Variants in STAB2 observed in about 807,000 individuals in gnomAD.
The protein encoded by STAB2 is stabilin 2, also known as stabilin-2.
Under a neutral mutation model 338.1 loss-of-function variants are expected in STAB2, and 288 were observed. That is an observed-to-expected ratio of 0.85 (90% CI 0.77 to 0.94). The LOEUF (loss-of-function observed/expected upper bound fraction) is 0.94, where lower values mean the gene tolerates loss of function less well. Among genes scored for constraint, STAB2 ranks in the 40% least tolerant of loss-of-function variants. STAB2 has a pLI of 0.00. For synonymous variants in STAB2, 1,202 were observed against 1,193.3 expected, an observed-to-expected ratio of 1.01 and a Z score of -0.15; for missense variants, 3,141 against 3,210.1, an observed-to-expected ratio of 0.98 and a Z score of 0.52.
intron 57 of STAB2, 43 bp downstream of exon 57, chr12:103,745,320 A>G: frequency 1.3e-6 from 2 of 1,567,402 alleles, no homozygotes; most frequent in Non-Finnish European, 1.7e-6. Context: ...CCAGGGCTGC[A>G]GTGGACACTG....
chr12:103,656,488 C>T (rs1385791234), intron 15 of STAB2, among the ~76,000 whole-genome samples: 2 of 152,168 alleles, frequency 1.3e-5, no homozygotes, highest in East Asian at 3.9e-4. Flanking sequence ...TTTAGTGGTG[C>T]TGGGATGAGG....
chr12:103,687,714 C>G (rs962814945), intron 27 of STAB2, among the ~76,000 whole-genome samples: 3 of 152,104 alleles, frequency 2.0e-5, no homozygotes, highest in African/African-American at 7.2e-5. Context: ...GGTAACTGGC[C>G]TAGGGAACTA....
At chr12:103,707,893 A>G (rs930568844) in intron 38 of STAB2, among the ~76,000 whole-genome samples, 1 of 152,210 alleles carries the variant, frequency 6.6e-6, no homozygotes. Context: ...GCATTTGTGC[A>G]TGAGTTCCTA....
At chr12:103,613,182 C>G (rs895735566) in intron 3 of STAB2, among the ~76,000 whole-genome samples, 1 of 152,312 alleles carries the variant, frequency 6.6e-6, no homozygotes, top group African/African-American at 2.4e-5. Context: ...TCTCAAGCTG[C>G]GTGCTGGGAG....
At chr12:103,594,001 G>A (rs1189414674) in intron 2 of STAB2, among the ~76,000 whole-genome samples, 1 of 152,126 alleles carries the variant, frequency 6.6e-6, no homozygotes, top group East Asian at 1.9e-4. Context: ...CTGAGCAATG[G>A]GTTTGCTTTA....
chr12:103,747,657 T>A (rs1374238205), intron 58 of STAB2, among the ~76,000 whole-genome samples: 1 of 152,194 alleles, frequency 6.6e-6, no homozygotes, highest in Non-Finnish European at 1.5e-5. Context: ...TGTCGTCTTT[T>A]ATTGGGCAAC....
intron 43 of STAB2, 49 bp from the exon 44 acceptor site, chr12:103,717,721 T>C: frequency 6.3e-7 from 1 of 1,583,652 alleles, no homozygotes; most frequent in African/African-American, 1.3e-5. Flanking sequence ...ATGCGGCCAG[T>C]ACAGAACCCA....
chr12:103,703,342 G>T, intron 35 of STAB2, 66 bp downstream of exon 35: 1 of 1,570,360 alleles, frequency 6.4e-7, no homozygotes, highest in Non-Finnish European at 8.6e-7. Flanking sequence ...ATATAATTTT[G>T]GGGGCATAAG....
At chr12:103,631,509 A>G in intron 5 of STAB2, 89 bp from the exon 6 acceptor site, 2 of 1,295,482 alleles carry the variant, frequency 1.5e-6, no homozygotes, top group Non-Finnish European at 2.2e-6. Flanking sequence ...GCAGAGTCTC[A>G]GCAAAGATGA....
chr12:103,677,581 C>T lies in STAB2; in HGVS notation c.2775C>T (p.Asn925=), dbSNP rs752289029. 2.5e-5 allele frequency: 40 copies of T among 1,613,828 alleles called. No individual in the cohort carries two copies. Among genetic ancestry groups the T allele is most frequent in the South Asian group, 4.4e-5 (4 of 91,078 alleles). Residue 925 remains asparagine, a synonymous_variant, in exon 25 of 69, where the codon AAC becomes AAT. Coordinates refer to ENST00000388887, the MANE Select transcript of STAB2 (RefSeq NM_017564.10). The part of the protein sequence containing the change: ...LLPSAGGCHD[N]ASCLYVGPGQ... ...CCAGTGCAGGCGGCTGCCACGACAA[C>T]GCATCCTGTTTGTATGTGGGTCCCG... is the stretch of plus-strand genomic sequence containing the variant.
chr12:103,694,611 G>A (rs997354166), intron 31 of STAB2, among the ~76,000 whole-genome samples: 1 of 152,104 alleles, frequency 6.6e-6, no homozygotes, highest in Admixed American at 6.6e-5. Context: ...GCAGCAGACT[G>A]GATTGGGCTT....
intron 27 of STAB2, among the ~76,000 whole-genome samples, chr12:103,685,465 T>TGTGTGCATGC (rs1555238758): frequency 7.1e-6 from 1 of 141,396 alleles, no homozygotes; most frequent in Non-Finnish European, 1.6e-5. Flanking sequence ...CGCGTGCGTG[T>TGTGTGCATGC]GTGTGTGCGT....
In STAB2 at chr12:103,750,526, C is replaced by A. The variant is rs1883535409; in HGVS notation, c.6439-53C>A. 5 of 1,601,440 alleles carry A rather than the reference C, an allele frequency of 3.1e-6. No individual in the cohort carries two copies. The East Asian group carries it at 1.1e-4, about 36-fold the overall frequency. On this transcript the variant is annotated intron_variant, in intron 59 of 68. Coordinates refer to ENST00000388887, the MANE Select transcript of STAB2 (RefSeq NM_017564.10). ...ATTGGTCCCATGGGCACTTGGGCAT[C>A]CTGGGGTCCTAGAGAAGGAACTTTT...
intron 6 of STAB2, among the ~76,000 whole-genome samples, chr12:103,633,396 A>G (rs573233712): frequency 6.6e-6 from 1 of 152,362 alleles, no homozygotes; most frequent in African/African-American, 2.4e-5. Flanking sequence ...TAAGAAATGA[A>G]AACAGGCCGG....
intron 6 of STAB2, 103 bp downstream of exon 6, chr12:103,631,796 C>A (rs1244261238): frequency 4.9e-5 from 52 of 1,058,310 alleles, no homozygotes; most frequent in Middle Eastern, 2.1e-4. Context: ...GGGCAAGGTA[C>A]TACCAAAAGT....
chr12:103,717,749 T>C lies in STAB2; in HGVS notation c.4612-21T>C, dbSNP rs528132982. 2.5e-6 allele frequency: 4 copies of C among 1,613,904 alleles called. No individual in the cohort carries two copies. The South Asian group carries it at 4.4e-5, about 18-fold the overall frequency. On this transcript the variant is annotated intron_variant, in intron 43 of 68. Coordinates refer to ENST00000388887, the MANE Select transcript of STAB2 (RefSeq NM_017564.10). ...AGAACCCACCTGCAAAATGACCCCA[T>C]GTGCTTCTACTCCTGGACAGGCTGC...
At chr12:103,627,032 C>T (rs1957391195) in intron 5 of STAB2, among the ~76,000 whole-genome samples, 1 of 152,190 alleles carries the variant, frequency 6.6e-6, no homozygotes, top group Non-Finnish European at 1.5e-5. Flanking sequence ...GTGTGTCAGA[C>T]CATGTGCAGA....
At position 103,733,068 on chromosome 12, in the gene STAB2, C is replaced by T. The variant is rs570020752; in HGVS notation, c.5346C>T (p.Pro1782=). 2 of 1,614,020 alleles carry T rather than the reference C, an allele frequency of 1.2e-6. No individual in the cohort carries two copies. Among genetic ancestry groups the T allele is most frequent in the African/African-American group, 2.7e-5 (2 of 74,910 alleles). ...PIHTPVTLFW[P]TDQALHALPA... ...ACACCCCAGTCACTCTCTTCTGGCC[C>T]ACCGACCAAGCCCTCCATGCCCTAC... The change falls in exon 51 of 69, where the codon CCC becomes CCT. Residue 1782 remains proline, a synonymous_variant. Transcript: ENST00000388887.
At chr12:103,626,368 T>C (rs1361489881) in intron 5 of STAB2, among the ~76,000 whole-genome samples, 1 of 152,244 alleles carries the variant, frequency 6.6e-6, no homozygotes, top group African/African-American at 2.4e-5. Context: ...GAACAGGCTT[T>C]AAACTCAGCC....
Sources: allele counts gnomAD v4.1 joint callset (sites outside exome capture counted in the v4.1 genomes callset), GRCh38; gene constraint gnomAD v4.1.1; transcripts MANE v1.5; gene names NCBI Gene and HGNC (gene_info 2026-07-23, HGNC 2026-07-21).